DYM: variants seen among roughly 807,000 people sequenced by gnomAD.
DYM encodes the protein dyggve-Melchior-Clausen syndrome protein.
DYM carries 78 observed loss-of-function variants against 93.1 expected under a neutral mutation model. The ratio of observed to expected loss-of-function variants is 0.84; its 90% confidence interval spans 0.70 to 1.01. The LOEUF is 1.01. DYM is among the 50% of genes least tolerant of loss of function. DYM has a pLI of 0.00. For missense variants in DYM, 789 were observed against 845.0 expected (o/e 0.93, Z 0.82); for synonymous variants, 321 against 319.7 (o/e 1.00, Z -0.04).
At chr18:49,406,542 T>C (rs780635488) in intron 2 of DYM, among the ~76,000 whole-genome samples, 21 of 152,182 alleles carry the variant, frequency 1.4e-4, no homozygotes, top group Non-Finnish European at 2.1e-4. Context: ...GCCTGAGTGA[T>C]AGAGTGAGAC....
intron 17 of DYM, among the ~76,000 whole-genome samples, chr18:49,094,564 T>C (rs1014934357): frequency 2.0e-5 from 3 of 152,228 alleles, no homozygotes; most frequent in Non-Finnish European, 4.4e-5. Flanking sequence ...TTTAGAATGA[T>C]ATTAATACTA....
chr18:49,386,407 A>T (rs532034695), intron 3 of DYM, among the ~76,000 whole-genome samples: 1 of 152,318 alleles, frequency 6.6e-6, no homozygotes, highest in South Asian at 2.1e-4. Context: ...CATCAACACC[A>T]TCAGTGATAA....
intron 15 of DYM, among the ~76,000 whole-genome samples, chr18:49,161,313 A>C (rs1245610924): frequency 3.3e-5 from 5 of 152,220 alleles, no homozygotes; most frequent in Non-Finnish European, 7.3e-5. Context: ...ATGGTTGGCA[A>C]ATACCAGTAA....
chr18:49,220,530 C>A (rs36170916), intron 13 of DYM, among the ~76,000 whole-genome samples: 100,560 of 148,210 alleles, frequency 0.68, 36,304 homozygotes, highest in Non-Finnish European at 0.81. Flanking sequence ...GTAACCAAAA[C>A]AGCATGGTAC....
intron 17 of DYM, among the ~76,000 whole-genome samples, chr18:49,063,684 T>C (rs1017618592): frequency 1.4e-5 from 2 of 144,436 alleles, no homozygotes; most frequent in African/African-American, 5.1e-5. Flanking sequence ...TGGAGTGCAG[T>C]GGTGCCATCT....
chr18:49,231,750 G>A (rs910823909), intron 13 of DYM, among the ~76,000 whole-genome samples: 2 of 152,172 alleles, frequency 1.3e-5, no homozygotes, highest in Non-Finnish European at 2.9e-5. Context: ...GAAATAAACA[G>A]CTGTTACAAT....
intron 8 of DYM, among the ~76,000 whole-genome samples, chr18:49,328,144 A>G (rs558014733): frequency 2.0e-5 from 3 of 152,380 alleles, no homozygotes; most frequent in South Asian, 2.1e-4. Context: ...ATGAGAATAA[A>G]TGAGATGCTC....
At position 49,048,879 on chromosome 18, in the gene DYM, A is replaced by G. The variant is rs562340570; in HGVS notation, c.2026-4675T>C. On this transcript the variant is annotated intron_variant, in intron 17 of 17. Transcript: ENST00000675505. ...GCCTCAAGTTGATGTTGAAACAATA[A>G]CTCATCTCACCCTCCACAAAGGCAC... Among the ~76,000 whole-genome samples the G allele has an allele frequency of 8.5e-5, 13 of 152,270 alleles. No individual in the cohort carries two copies. The South Asian group carries it at 2.5e-3, about 29-fold the overall frequency.
intron 15 of DYM, among the ~76,000 whole-genome samples, chr18:49,147,809 C>G (rs564199139): frequency 2.6e-4 from 39 of 152,210 alleles, no homozygotes; most frequent in African/African-American, 6.3e-4. Flanking sequence ...TCTAGAACTA[C>G]AAATACCATT....
At chr18:49,086,510 C>T (rs557011963) in intron 17 of DYM, among the ~76,000 whole-genome samples, 12 of 152,260 alleles carry the variant, frequency 7.9e-5, no homozygotes, top group East Asian at 7.7e-4. Flanking sequence ...TCTCAACATA[C>T]GTTTGGAGGG....
At chr18:49,437,662 G>A (rs1007603151) in intron 1 of DYM, among the ~76,000 whole-genome samples, 1 of 152,146 alleles carries the variant, frequency 6.6e-6, no homozygotes, top group African/African-American at 2.4e-5. Flanking sequence ...CTTCTACAGA[G>A]GTTGTACCAA....
Position 49,304,250 on chromosome 18 carries a change from G to C in DYM, c.764-17634C>G, listed in dbSNP as rs531143313. ...TAAGGAACCAGCAGGATATAAAAGA[G>C]GCTCCCACAGCTCTCAACCCTTCAA... On this transcript the variant is annotated intron_variant, in intron 8 of 17. Coordinates refer to ENST00000675505, the MANE Select transcript of DYM (RefSeq NM_001353214.3). Among the ~76,000 whole-genome samples the C allele has an allele frequency of 3.3e-5, 5 of 152,302 alleles. No homozygotes were observed. In the East Asian group the frequency reaches 7.7e-4, roughly 23 times the overall value.
chr18:49,134,219 A>G (rs915925127), intron 15 of DYM, among the ~76,000 whole-genome samples: 5 of 152,290 alleles, frequency 3.3e-5, no homozygotes, highest in Admixed American at 2.0e-4. Context: ...AATGTTGGAG[A>G]AAAAAACCAA....
At chr18:49,075,196 A>T (rs1261847345) in intron 17 of DYM, among the ~76,000 whole-genome samples, 1 of 152,154 alleles carries the variant, frequency 6.6e-6, no homozygotes, top group Non-Finnish European at 1.5e-5. Flanking sequence ...TGATGATGAG[A>T]AGCCAGGGAC....
At chr18:49,068,008 C>T (rs1185901468) in intron 17 of DYM, among the ~76,000 whole-genome samples, 2 of 152,146 alleles carry the variant, frequency 1.3e-5, no homozygotes, top group Non-Finnish European at 2.9e-5. Context: ...TTTGAGTTAA[C>T]ATAAATACAT....
intron 5 of DYM, among the ~76,000 whole-genome samples, chr18:49,371,417 G>A (rs1425055086): frequency 2.6e-5 from 4 of 152,108 alleles, no homozygotes; most frequent in African/African-American, 9.7e-5. Context: ...AGGCTTCAGT[G>A]AGCTGTGACT....
At chr18:49,308,885 T>C (rs749759654) in intron 8 of DYM, among the ~76,000 whole-genome samples, 1 of 152,132 alleles carries the variant, frequency 6.6e-6, no homozygotes, top group East Asian at 1.9e-4. Context: ...TTATCTGGAA[T>C]GGCAAAATAC....
intron 2 of DYM, among the ~76,000 whole-genome samples, chr18:49,424,953 A>T (rs1351297180): frequency 1.3e-5 from 2 of 152,208 alleles, no homozygotes; most frequent in Admixed American, 6.5e-5. Flanking sequence ...AATATCGTGA[A>T]AATGGCCATA....
rs1256783958 is a variant in DYM at position 49,390,875 on chromosome 18, A to G, written c.193+718T>C. ...TTCCTGTACCCTAGGTATTTCACAG[A>G]CACATTGTCTTACTTTTCAAAGCAC... On this transcript the variant is annotated intron_variant, in intron 3 of 17. Transcript: ENST00000675505. 3 of 153,450 alleles carry G rather than the reference A, an allele frequency of 2.0e-5. No individual in the cohort carries two copies. In the East Asian group the frequency reaches 5.7e-4, roughly 29 times the overall value. The allele number at this position is 153,450 out of a possible 1,614,324, so 9.5% of individuals were successfully genotyped here. A position where few individuals can be genotyped will look rare whatever the true frequency, so the allele number is the denominator to read the frequency against.
Sources: allele counts gnomAD v4.1 joint callset (sites outside exome capture counted in the v4.1 genomes callset), GRCh38; gene constraint gnomAD v4.1.1; transcripts MANE v1.5; gene names NCBI Gene and HGNC (gene_info 2026-07-23, HGNC 2026-07-21).